The following SLC35F1 variants were observed in gnomAD, a reference collection of about 807,000 sequenced individuals.
The protein encoded by SLC35F1 is chromosome 6 open reading frame 169.
In SLC35F1, 14 loss-of-function variants were observed where a neutral mutation model predicts 48.7. The observed-to-expected ratio is 0.29, with a 90% CI of 0.19 to 0.45. The LOEUF (loss-of-function observed/expected upper bound fraction) is 0.45. Among genes scored for constraint, SLC35F1 ranks in the 20% least tolerant of loss-of-function variants. The pLI, the probability that SLC35F1 is intolerant of heterozygous loss-of-function variation, is 1.00. For missense variants in SLC35F1, 404 were observed against 500.0 expected (o/e 0.81, Z 1.83); for synonymous variants, 190 against 202.2 (o/e 0.94, Z 0.51).
intron 1 of SLC35F1, among the ~76,000 whole-genome samples, chr6:117,971,691 A>AT (rs1776640731): frequency 6.6e-6 from 1 of 152,260 alleles, no homozygotes; most frequent in African/African-American, 2.4e-5. Context: ...TGCCACATGT[A>AT]AACCACCAAG....
At chr6:118,069,104 C>T (rs753730248) in intron 1 of SLC35F1, among the ~76,000 whole-genome samples, 1 of 152,156 alleles carries the variant, frequency 6.6e-6, no homozygotes, top group East Asian at 1.9e-4. Flanking sequence ...TTTCCTTTAA[C>T]GTGGTTTTTA....
chr6:118,092,486 C>T (rs1463347046), intron 1 of SLC35F1, among the ~76,000 whole-genome samples: 2 of 152,186 alleles, frequency 1.3e-5, no homozygotes, highest in Non-Finnish European at 2.9e-5. Flanking sequence ...GGTGTGTGAG[C>T]CCCCACACAG....
chr6:118,133,613 A>G (rs1178155440), intron 1 of SLC35F1, among the ~76,000 whole-genome samples: 1 of 152,222 alleles, frequency 6.6e-6, no homozygotes, highest in African/African-American at 2.4e-5. Context: ...AGTTAAATTT[A>G]CAGGAAACAG....
chr6:118,194,456 G>A (rs73766464), intron 2 of SLC35F1, among the ~76,000 whole-genome samples: 5,392 of 152,170 alleles, frequency 0.035, 316 homozygotes, highest in African/African-American at 0.12. Context: ...CAAGATGGAG[G>A]CCTCATCTAT....
intron 1 of SLC35F1, among the ~76,000 whole-genome samples, chr6:118,134,959 G>A (rs1013588470): frequency 2.6e-5 from 4 of 152,170 alleles, no homozygotes; most frequent in African/African-American, 4.8e-5. Context: ...AGTGAGGGAC[G>A]CAGTTGGAAA....
chr6:117,986,441 C>T (rs915912268), intron 1 of SLC35F1, among the ~76,000 whole-genome samples: 7 of 152,142 alleles, frequency 4.6e-5, no homozygotes, highest in African/African-American at 1.2e-4. Context: ...TTACTTAACT[C>T]GGAAAAACTT....
intron 1 of SLC35F1, among the ~76,000 whole-genome samples, chr6:118,012,827 A>G (rs1486377586): frequency 3.9e-5 from 6 of 152,210 alleles, no homozygotes; most frequent in Non-Finnish European, 7.3e-5. Flanking sequence ...CTTTTATGTG[A>G]TCCACAGCAG....
intron 1 of SLC35F1, among the ~76,000 whole-genome samples, chr6:117,954,168 G>A (rs1242250371): frequency 1.3e-5 from 2 of 152,234 alleles, no homozygotes; most frequent in Non-Finnish European, 2.9e-5. Context: ...GATTATGAAA[G>A]CAGTGCAGTG....
At chr6:117,960,644 TC>T (rs536545743) in intron 1 of SLC35F1, among the ~76,000 whole-genome samples, 149 of 152,038 alleles carry the variant, frequency 9.8e-4, no homozygotes, top group African/African-American at 3.5e-3. Context: ...ATCTGGTATA[TC>T]CCCCCCAAAA....
At chr6:118,056,373 A>G (rs1214937302) in intron 1 of SLC35F1, among the ~76,000 whole-genome samples, 1 of 152,226 alleles carries the variant, frequency 6.6e-6, no homozygotes, top group East Asian at 1.9e-4. Context: ...GTAAGCAGAT[A>G]AATATACATC....
intron 1 of SLC35F1, among the ~76,000 whole-genome samples, chr6:118,132,670 C>T (rs1773732337): frequency 1.3e-5 from 2 of 152,176 alleles, no homozygotes; most frequent in Non-Finnish European, 2.9e-5. Context: ...TCAGTAGAGA[C>T]ATTTTATTCC....
At chr6:118,185,020 T>C (rs1349269490) in intron 2 of SLC35F1, among the ~76,000 whole-genome samples, 1 of 152,178 alleles carries the variant, frequency 6.6e-6, no homozygotes, top group Non-Finnish European at 1.5e-5. Flanking sequence ...GTCCAGCAGC[T>C]CTTGGCAGCT....
At chr6:118,085,482 C>T (rs891031386) in intron 1 of SLC35F1, among the ~76,000 whole-genome samples, 91 of 81,936 alleles carry the variant, frequency 1.1e-3, no homozygotes, top group East Asian at 1.7e-3. Flanking sequence ...TTTTTTCTTT[C>T]TTTCCTTTTT....
At chr6:118,140,315 A>G (rs1034831024) in intron 1 of SLC35F1, among the ~76,000 whole-genome samples, 1 of 152,234 alleles carries the variant, frequency 6.6e-6, no homozygotes, top group Non-Finnish European at 1.5e-5. Context: ...CGGCACATAT[A>G]ACAGTGGTCC....
intron 1 of SLC35F1, among the ~76,000 whole-genome samples, chr6:118,033,367 A>T (rs1162092420): frequency 6.6e-6 from 1 of 152,212 alleles, no homozygotes; most frequent in Non-Finnish European, 1.5e-5. Context: ...AAACATTAAG[A>T]TGCATATTCC....
chr6:117,985,512 G>T (rs1277983596), intron 1 of SLC35F1, among the ~76,000 whole-genome samples: 1 of 152,162 alleles, frequency 6.6e-6, no homozygotes, highest in Non-Finnish European at 1.5e-5. Flanking sequence ...CAATTAAAAA[G>T]TCATTACATT....
At chr6:117,923,761 ATG>A (rs1775969699) in intron 1 of SLC35F1, among the ~76,000 whole-genome samples, 1 of 7,262 alleles carries the variant, frequency 1.4e-4, no homozygotes, top group Non-Finnish European at 4.6e-4. Flanking sequence ...ATATATACAT[ATG>A]CACATACATA....
chr6:117,907,429 G>A lies in SLC35F1; in HGVS notation c.-298G>A, dbSNP rs1775699983. On this transcript the variant is annotated 5_prime_UTR_variant, in exon 1 of 8. Transcript: ENST00000360388. Reference sequence around the variant, plus strand: ...GCGCCCCCGCGCGACACCCTTCGCAGCCACTTCGCGGGGCGGGCCAGGACT... The same window carrying A: ...GCGCCCCCGCGCGACACCCTTCGCAACCACTTCGCGGGGCGGGCCAGGACT... The A allele has an allele frequency of 4.7e-6, 1 of 211,134 alleles. No individual in the cohort carries two copies. Among genetic ancestry groups the A allele is most frequent in the Non-Finnish European group, 9.3e-6 (1 of 107,004 alleles). The allele number at this position is 211,134 out of a possible 1,614,324, so 13.1% of individuals were successfully genotyped here. A position where few individuals can be genotyped will look rare whatever the true frequency, so the allele number is the denominator to read the frequency against.
At chr6:118,133,074 A>G (rs1469351946) in intron 1 of SLC35F1, among the ~76,000 whole-genome samples, 3 of 152,116 alleles carry the variant, frequency 2.0e-5, no homozygotes, top group African/African-American at 7.2e-5. Context: ...GAAAGGCTCT[A>G]ACTCTCTGGG....
Sources: gnomAD v4.1 joint callset for allele counts (sites outside exome capture counted in the v4.1 genomes callset) on GRCh38, gnomAD v4.1.1 for gene constraint, MANE v1.5 for transcripts, NCBI Gene and HGNC (gene_info 2026-07-23, HGNC 2026-07-21) for gene names.